Variants in PKD1L3 observed in about 807,000 individuals in gnomAD.
The protein encoded by PKD1L3 is polycystin-1-like protein 3.
PKD1L3 carries 239 observed loss-of-function variants against 184.1 expected under a neutral mutation model. The ratio of observed to expected loss-of-function variants is 1.30; its 90% CI spans 1.17 to 1.45. PKD1L3 has a LOEUF of 1.45. Among genes scored for constraint, PKD1L3 ranks in the 40% most tolerant of loss-of-function variants. The pLI, the probability that PKD1L3 is intolerant of heterozygous loss-of-function variation, is 0.00. For missense variants in PKD1L3, 2,660 were observed against 2,067.2 expected (o/e 1.29, Z -5.56); for synonymous variants, 996 against 778.8 (o/e 1.28, Z -4.64).
intron 11 of PKD1L3, among the ~76,000 whole-genome samples, chr16:71,975,130 A>G (rs2039870481): frequency 6.6e-6 from 1 of 152,020 alleles, no homozygotes; most frequent in Non-Finnish European, 1.5e-5. Context: ...ATCGAAACTC[A>G]TTGTGGCTTT....
At position 71,953,979 on chromosome 16, in the gene PKD1L3, G is replaced by T. The variant is rs2038948705; in HGVS notation, c.2809+126C>A. On this transcript the variant is annotated intron_variant, in intron 17 of 29. Coordinates refer to ENST00000620267, the MANE Select transcript of PKD1L3 (RefSeq NM_181536.2). ...GCCTGTAATCCTAGCACTTCAGGAG[G>T]CTGAGGCAGGAGGATCACTTGAGGC... The T allele has an allele frequency of 9.2e-6, 7 of 760,492 alleles. No homozygotes were observed. In the South Asian group the frequency reaches 1.8e-4, roughly 20 times the overall value. The allele number at this position is 760,492 out of a possible 1,614,324, so 47.1% of individuals were successfully genotyped here. A position where few individuals can be genotyped will look rare whatever the true frequency, so the allele number is the denominator to read the frequency against.
chr16:71,987,638 G>C (rs529267081), intron 4 of PKD1L3, among the ~76,000 whole-genome samples: 26 of 152,130 alleles, frequency 1.7e-4, no homozygotes, highest in Non-Finnish European at 2.6e-4. Context: ...GCCTCCCAAA[G>C]TGCTGGGATT....
chr16:71,972,526 T>G (rs918404727), intron 12 of PKD1L3, among the ~76,000 whole-genome samples: 1 of 151,930 alleles, frequency 6.6e-6, no homozygotes, highest in Non-Finnish European at 1.5e-5. Context: ...TGTTCAAAAA[T>G]CTAAAACATT....
intron 24 of PKD1L3, among the ~76,000 whole-genome samples, chr16:71,941,035 A>G (rs1158579815): frequency 6.6e-6 from 1 of 150,678 alleles, no homozygotes; most frequent in South Asian, 2.1e-4. Flanking sequence ...GAGGTTTCAC[A>G]CCATGTTGCC....
chr16:71,996,310 A>G (rs180753635), intron 2 of PKD1L3, among the ~76,000 whole-genome samples: 62 of 124,584 alleles, frequency 5.0e-4, no homozygotes, highest in Admixed American at 1.3e-3. Flanking sequence ...TCACCAGGCT[A>G]GAGTGCAGTG....
intron 28 of PKD1L3, chr16:71,930,418 CAG>C (rs1385519365): frequency 5.7e-6 from 2 of 349,614 alleles, no homozygotes; most frequent in East Asian, 8.9e-5. Context: ...CACAAGAAAA[CAG>C]GTGAGTTGCA....
chr16:71,937,914 T>C (rs558407710), intron 24 of PKD1L3, among the ~76,000 whole-genome samples: 41 of 152,316 alleles, frequency 2.7e-4, no homozygotes, highest in African/African-American at 9.6e-4. Context: ...CTTCAAAATA[T>C]TAGTGATGGC....
rs971019621 is a variant in PKD1L3 at position 71,984,587 on chromosome 16, T to A, written c.835-420A>T. ...AAGTATTCGTATTTAAGGCTGGGCG[T>A]GATGGCTCACGCCTGTCATCCCAGC... On this transcript the variant is annotated intron_variant, in intron 5 of 29. Coordinates refer to ENST00000620267, the MANE Select transcript of PKD1L3 (RefSeq NM_181536.2). 3.9e-5 allele frequency among the ~76,000 whole-genome samples: 6 copies of A among 152,066 alleles called. No homozygotes were observed. In the East Asian group the frequency reaches 7.7e-4, roughly 20 times the overall value.
chr16:71,944,194 C>A, intron 22 of PKD1L3, 24 bp from the exon 23 acceptor site: 1 of 1,532,508 alleles, frequency 6.5e-7, no homozygotes. Flanking sequence ...AAATATAGAC[C>A]AAAGAAATGT....
At position 71,977,454 on chromosome 16, in the gene PKD1L3, C is replaced by G; in HGVS notation, c.1541G>C (p.Arg514Thr). 1 of 1,548,666 alleles carries G rather than the reference C, an allele frequency of 6.5e-7. No individual in the cohort carries two copies. Among genetic ancestry groups the G allele is most frequent in the Non-Finnish European group, 8.7e-7 (1 of 1,144,372 alleles). ...LMEDIEIMLWRNVSLETHPTS... is the reference protein window; with the variant it reads ...LMEDIEIMLWTNVSLETHPTS... ...GGGATGGGTTTCCAAGCTAACATTTCTCCAGAGCATGATCTAGAATAAGAG... is the reference window on the plus strand; with the variant it reads ...GGGATGGGTTTCCAAGCTAACATTTGTCCAGAGCATGATCTAGAATAAGAG... The change falls in exon 11 of 30, where the codon AGA becomes ACA. Residue 514 changes from arginine (R) to threonine (T), a missense_variant. Coordinates refer to ENST00000620267, the MANE Select transcript of PKD1L3 (RefSeq NM_181536.2).
At chr16:71,971,369 CTG>C (rs1402563269) in intron 12 of PKD1L3, among the ~76,000 whole-genome samples, 4 of 152,080 alleles carry the variant, frequency 2.6e-5, no homozygotes, top group Non-Finnish European at 4.4e-5. Context: ...GCTACCAATT[CTG>C]TGTTTGGTTT....
At chr16:71,936,399 C>T (rs954975914) in intron 25 of PKD1L3, among the ~76,000 whole-genome samples, 22 of 151,178 alleles carry the variant, frequency 1.5e-4, no homozygotes, top group African/African-American at 4.6e-4. Context: ...GACAGGGTTT[C>T]GCCATGTTGG....
rs764589436 is a variant in PKD1L3 at position 71,970,028 on chromosome 16, G to A, written c.2031C>T (p.Val677=). ...HLTFFASDFF[V]VPRTVNVEDT... ...CTTCAACATTCACGGTCCTGGGCAC[G>A]ACAAAGAAGTCGCTGGCAAAGAAGG... The change falls in exon 13 of 30, where the codon GTC becomes GTT. Residue 677 remains valine (V), a synonymous_variant. Coordinates refer to ENST00000620267, the MANE Select transcript of PKD1L3 (RefSeq NM_181536.2). 89 of 1,551,538 alleles carry A rather than the reference G, an allele frequency of 5.7e-5. No individual in the cohort carries two copies. The highest frequency in any genetic ancestry group is 6.7e-5 in the Non-Finnish European group (77 of 1,147,000).
At chr16:71,930,989 G>A (rs1393242429) in intron 28 of PKD1L3, 4 of 152,124 alleles carry the variant, frequency 2.6e-5, no homozygotes, top group Admixed American at 2.0e-4. Context: ...ACAATTTCAG[G>A]TCAACCAGAT....
chr16:71,953,984 G>C, intron 17 of PKD1L3, 121 bp downstream of exon 17: 1 of 802,070 alleles, frequency 1.2e-6, no homozygotes, highest in Non-Finnish European at 1.8e-6. Context: ...AGGAGGCTGA[G>C]GCAGGAGGAT....
At chr16:71,978,695 A>C (rs1001872027) in intron 9 of PKD1L3, among the ~76,000 whole-genome samples, 1 of 151,772 alleles carries the variant, frequency 6.6e-6, no homozygotes, top group African/African-American at 2.4e-5. Context: ...GCACACCACC[A>C]TGCCTGGCTA....
rs1274733482 is a variant in PKD1L3, at chr16:71,986,327, T to C, written c.728A>G (p.His243Arg). ...TQLTMPVSVT[H>R]AGQSLAETTS... ...TGTTTCTGCCAGAGATTGCCCAGCATGCGTGACAGACACGGGCATGGTGAG... is the reference window on the plus strand; with the variant it reads ...TGTTTCTGCCAGAGATTGCCCAGCACGCGTGACAGACACGGGCATGGTGAG... Residue 243 changes from histidine to arginine, a missense_variant, in exon 5 of 30, where the codon CAT (histidine) becomes CGT (arginine). Physicochemically the swap from His to Arg is conservative, Grantham distance 29 (BLOSUM62 0). Coordinates refer to ENST00000620267, the MANE Select transcript of PKD1L3 (RefSeq NM_181536.2). 3.2e-6 allele frequency: 5 copies of C among 1,551,974 alleles called. No individual in the cohort carries two copies. Among genetic ancestry groups the C allele is most frequent in the African/African-American group, 1.4e-5 (1 of 73,056 alleles).
chr16:71,955,085 C>G (rs2038993583), intron 16 of PKD1L3, among the ~76,000 whole-genome samples: 1 of 152,118 alleles, frequency 6.6e-6, no homozygotes, highest in African/African-American at 2.4e-5. Flanking sequence ...GTCAAGAGAT[C>G]CAAGGCTCAT....
At chr16:71,983,708 C>G (rs2040251514) in intron 6 of PKD1L3, among the ~76,000 whole-genome samples, 1 of 137,724 alleles carries the variant, frequency 7.3e-6, no homozygotes, top group African/African-American at 2.7e-5. Flanking sequence ...TCTCAGCCAC[C>G]CAGGCTGGAG....
Sources: allele counts gnomAD v4.1 joint callset (sites outside exome capture counted in the v4.1 genomes callset), GRCh38; gene constraint gnomAD v4.1.1; transcripts MANE v1.5; gene names NCBI Gene and HGNC (gene_info 2026-07-23, HGNC 2026-07-21).